ENOX1: variants seen among roughly 807,000 people sequenced by gnomAD.
The protein encoded by ENOX1 is candidate growth-related and time keeping constitutive hydroquinone (NADH) oxidase.
ENOX1 carries 42 observed loss-of-function variants against 82.5 expected under a neutral mutation model. The ratio of observed to expected loss-of-function variants is 0.51; its 90% CI spans 0.40 to 0.66. The LOEUF is 0.66. Among genes scored for constraint, ENOX1 ranks in the 30% least tolerant of loss-of-function variants. ENOX1 has a pLI of 0.00. For missense variants in ENOX1, 608 were observed against 811.6 expected (o/e 0.75, Z 3.05); for synonymous variants, 271 against 282.2 (o/e 0.96, Z 0.40).
intron 12 of ENOX1, among the ~76,000 whole-genome samples, chr13:43,277,729 A>G (rs2045138047): frequency 6.6e-6 from 1 of 152,136 alleles, no homozygotes. Flanking sequence ...GAGAACAAGG[A>G]CTTAGAGCTG....
chr13:43,428,470 A>G (rs907854174), intron 3 of ENOX1, among the ~76,000 whole-genome samples: 1 of 152,134 alleles, frequency 6.6e-6, no homozygotes, highest in Non-Finnish European at 1.5e-5. Context: ...CAATCTCTAA[A>G]TCATCCACAC....
intron 12 of ENOX1, among the ~76,000 whole-genome samples, chr13:43,282,452 C>CTT (rs558705645): frequency 1.2e-4 from 17 of 142,528 alleles, no homozygotes; most frequent in South Asian, 2.2e-4. Flanking sequence ...ATTCTTTTTT[C>CTT]TTTTTTTTTT....
chr13:43,333,565 G>C (rs1283145595), intron 9 of ENOX1, among the ~76,000 whole-genome samples: 3 of 152,188 alleles, frequency 2.0e-5, no homozygotes, highest in South Asian at 2.1e-4. Flanking sequence ...CGGCAACCCT[G>C]ATCTCCTCTG....
chr13:43,683,936 C>T (rs946040963), intron 1 of ENOX1, among the ~76,000 whole-genome samples: 1 of 151,870 alleles, frequency 6.6e-6, no homozygotes, highest in Non-Finnish European at 1.5e-5. Context: ...CATAGATTAC[C>T]CTCTAAGCTA....
At chr13:43,730,843 T>C (rs578208440) in intron 1 of ENOX1, among the ~76,000 whole-genome samples, 21 of 152,264 alleles carry the variant, frequency 1.4e-4, no homozygotes, top group African/African-American at 4.6e-4. Flanking sequence ...CTCACCCTCA[T>C]TCCGCAGGAC....
intron 12 of ENOX1, among the ~76,000 whole-genome samples, chr13:43,275,827 A>G (rs2044992229): frequency 6.6e-6 from 1 of 152,210 alleles, no homozygotes. Context: ...CATGTACATG[A>G]TAACTAAGTC....
chr13:43,410,072 T>C (rs561668928), intron 5 of ENOX1, among the ~76,000 whole-genome samples: 1 of 152,326 alleles, frequency 6.6e-6, no homozygotes, highest in African/African-American at 2.4e-5. Flanking sequence ...TGTAATTCTT[T>C]TCATGGCAAG....
intron 1 of ENOX1, among the ~76,000 whole-genome samples, chr13:43,711,983 C>T (rs299342): frequency 0.91 from 131,108 of 143,392 alleles, 60,248 homozygotes; most frequent in East Asian, 1. Flanking sequence ...GTTTTAGACA[C>T]GAAGTCCTTG....
intron 2 of ENOX1, among the ~76,000 whole-genome samples, chr13:43,628,611 T>C (rs1259000796): frequency 3.3e-5 from 5 of 152,218 alleles, no homozygotes; most frequent in Non-Finnish European, 7.3e-5. Context: ...TTGGCAGCTA[T>C]TGACTGTCTC....
chr13:43,414,932 A>T (rs757922441), intron 3 of ENOX1, among the ~76,000 whole-genome samples: 1 of 152,092 alleles, frequency 6.6e-6, no homozygotes, highest in Non-Finnish European at 1.5e-5. Context: ...TGTTTTAGGG[A>T]TGGCTTTAGT....
chr13:43,693,216 ATC>A (rs149836824), intron 1 of ENOX1, among the ~76,000 whole-genome samples: 2,017 of 152,142 alleles, frequency 0.013, 44 homozygotes, highest in African/African-American at 0.045. Context: ...TTTTTGAATT[ATC>A]TGATTTTTTT....
chr13:43,708,732 A>G (rs946880359), intron 1 of ENOX1, among the ~76,000 whole-genome samples: 1 of 152,228 alleles, frequency 6.6e-6, no homozygotes, highest in Non-Finnish European at 1.5e-5. Context: ...CACAATATAT[A>G]GGTAAAGTAA....
At chr13:43,602,621 C>T (rs1304870400) in intron 2 of ENOX1, among the ~76,000 whole-genome samples, 1 of 151,938 alleles carries the variant, frequency 6.6e-6, no homozygotes, top group African/African-American at 2.4e-5. Flanking sequence ...CATTCTAATC[C>T]ACAATTTGAC....
In ENOX1 at chr13:43,738,023, C is replaced by T. The variant is rs116789240; in HGVS notation, c.-285+48629G>A. ...AAGAATTCCTACTTTAATTTAGACC[C>T]AAATCACCATAATCAGTTTTCTTGA... On this transcript the variant is annotated intron_variant, in intron 1 of 16. Coordinates refer to ENST00000690772, the MANE Select transcript of ENOX1 (RefSeq NM_001347969.2). Among the ~76,000 whole-genome samples the T allele has an allele frequency of 6.1e-3, 929 of 152,126 alleles. 9 individuals are homozygous for T. Among genetic ancestry groups the T allele is most frequent in the African/African-American group, 0.021 (883 of 41,498 alleles).
intron 14 of ENOX1, among the ~76,000 whole-genome samples, chr13:43,247,881 A>ATT (rs2043213255): frequency 1.5e-4 from 2 of 13,314 alleles, no homozygotes; most frequent in Non-Finnish European, 4.0e-4. Context: ...ATATATATAT[A>ATT]TATTTTTTTT....
intron 2 of ENOX1, among the ~76,000 whole-genome samples, chr13:43,575,238 T>A (rs1461209539): frequency 1.3e-5 from 2 of 152,180 alleles, no homozygotes; most frequent in Admixed American, 6.5e-5. Context: ...GATGGCATAA[T>A]GAGAACCATT....
intron 2 of ENOX1, among the ~76,000 whole-genome samples, chr13:43,495,814 A>C (rs1207176215): frequency 6.6e-6 from 1 of 151,848 alleles, no homozygotes; most frequent in Non-Finnish European, 1.5e-5. Flanking sequence ...GAATTTCAGT[A>C]TTACCACATC....
intron 12 of ENOX1, among the ~76,000 whole-genome samples, chr13:43,281,053 AG>A (rs1453352151): frequency 6.6e-6 from 1 of 152,208 alleles, no homozygotes; most frequent in Admixed American, 6.5e-5. Flanking sequence ...GCCCTAATCC[AG>A]GGTCAAGCCC....
chr13:43,297,637 C>T (rs1254606259), intron 12 of ENOX1, among the ~76,000 whole-genome samples: 2 of 152,288 alleles, frequency 1.3e-5, no homozygotes, highest in South Asian at 4.1e-4. Context: ...TTTTCCCCTC[C>T]TGTCGACATT....
Sources: allele counts gnomAD v4.1 joint callset (sites outside exome capture counted in the v4.1 genomes callset), GRCh38; gene constraint gnomAD v4.1.1; transcripts MANE v1.5; gene names NCBI Gene and HGNC (gene_info 2026-07-23, HGNC 2026-07-21).